Variants in ITPRID1 observed in about 807,000 individuals in gnomAD.
ITPRID1 encodes the protein ITPR interacting domain containing 1.
In ITPRID1, 96 loss-of-function variants were observed where a neutral mutation model predicts 95.4. That is an observed-to-expected ratio of 1.01 (90% CI 0.85 to 1.19). ITPRID1 has a LOEUF of 1.19. Among genes scored for constraint, ITPRID1 ranks in the 50% most tolerant of loss-of-function variants. ITPRID1 has a pLI of 0.00. For missense variants in ITPRID1, 1,339 were observed against 1,252.9 expected (o/e 1.07, Z -1.04); for synonymous variants, 510 against 453.6 (o/e 1.12, Z -1.58).
At chr7:31,595,423 A>G (rs1364212122) in intron 10 of ITPRID1, among the ~76,000 whole-genome samples, 1 of 151,966 alleles carries the variant, frequency 6.6e-6, no homozygotes, top group African/African-American at 2.4e-5. Flanking sequence ...TAACACTTGA[A>G]TTCAATAATA....
intron 10 of ITPRID1, among the ~76,000 whole-genome samples, chr7:31,599,812 C>T (rs1293526977): frequency 6.6e-6 from 1 of 151,848 alleles, no homozygotes; most frequent in Non-Finnish European, 1.5e-5. Context: ...TCTCCTGCCT[C>T]AGCCTCCCGA....
chr7:31,572,229 C>T lies in ITPRID1; in HGVS notation c.395+41C>T. On this transcript the variant is annotated intron_variant, in intron 7 of 14. Transcript: ENST00000615280. Reference sequence around the variant, plus strand: ...GTGCTTTTCATCCTGAGAAATCATTCTGTGCAACAATGGATTTCATGAAAT... The same window carrying T: ...GTGCTTTTCATCCTGAGAAATCATTTTGTGCAACAATGGATTTCATGAAAT... The T allele has an allele frequency of 2.4e-6, 3 of 1,260,260 alleles. 1 individual carries two copies. In the Middle Eastern group the frequency reaches 5.6e-4, roughly 234 times the overall value. 78.1% of individuals were successfully genotyped at this position (1,260,260 alleles called of 1,614,324 possible).
intron 1 of ITPRID1, among the ~76,000 whole-genome samples, chr7:31,519,620 C>CTCTCTCTCTCTCTATATATATA: frequency 9.9e-4 from 25 of 25,256 alleles, no homozygotes; most frequent in South Asian, 4.1e-3. Flanking sequence ...CTCTCTCTCT[C>CTCTCTCTCTCTCTATATATATA]TATATATATA....
chr7:31,528,047 A>G (rs1435968438), intron 1 of ITPRID1, among the ~76,000 whole-genome samples: 1 of 152,172 alleles, frequency 6.6e-6, no homozygotes, highest in African/African-American at 2.4e-5. Flanking sequence ...CCCATGATGC[A>G]CACATCATTA....
At chr7:31,612,326 C>A (rs1786906654) in intron 10 of ITPRID1, among the ~76,000 whole-genome samples, 1 of 152,066 alleles carries the variant, frequency 6.6e-6, no homozygotes, top group Non-Finnish European at 1.5e-5. Context: ...ACAACATTTG[C>A]ATTTCCTCAA....
At position 31,650,459 on chromosome 7, in the gene ITPRID1, G is replaced by A. The variant is rs193266562; in HGVS notation, c.2584-683G>A. Among the ~76,000 whole-genome samples, 5 of 152,276 alleles carry A rather than the reference G, an allele frequency of 3.3e-5. No individual in the cohort carries two copies. The East Asian group carries it at 7.7e-4, about 24-fold the overall frequency. Reference sequence around the variant, plus strand: ...GAAAACCAAGGCAAAGGCACAGCCTGAGAGAGAAAGTAAGAGTTAAACGAT... The same window carrying A: ...GAAAACCAAGGCAAAGGCACAGCCTAAGAGAGAAAGTAAGAGTTAAACGAT... On this transcript the variant is annotated intron_variant, in intron 12 of 14. Coordinates refer to ENST00000615280, the MANE Select transcript of ITPRID1 (RefSeq NM_001257967.3).
chr7:31,589,497 A>T (rs1785770988), intron 10 of ITPRID1, among the ~76,000 whole-genome samples: 1 of 152,194 alleles, frequency 6.6e-6, no homozygotes, highest in African/African-American at 2.4e-5. Context: ...GCAAACTCTA[A>T]GTGGGATAAT....
intron 1 of ITPRID1, among the ~76,000 whole-genome samples, chr7:31,537,396 C>T (rs1445315798): frequency 6.6e-6 from 1 of 152,042 alleles, no homozygotes; most frequent in East Asian, 1.9e-4. Context: ...AATATGAAAA[C>T]AGACATGGGT....
chr7:31,577,396 T>A (rs929721414), intron 8 of ITPRID1, among the ~76,000 whole-genome samples: 1 of 152,180 alleles, frequency 6.6e-6, no homozygotes, highest in African/African-American at 2.4e-5. Flanking sequence ...TGACTCTATA[T>A]GCCATGATCT....
intron 1 of ITPRID1, among the ~76,000 whole-genome samples, chr7:31,546,143 C>T (rs1160211670): frequency 2.0e-5 from 3 of 152,066 alleles, no homozygotes; most frequent in Non-Finnish European, 2.9e-5. Flanking sequence ...AAAGAAATTA[C>T]ATTCCAAAAG....
At chr7:31,651,028 T>G in intron 12 of ITPRID1, 114 bp from the exon 13 acceptor site, 1 of 1,148,966 alleles carries the variant, frequency 8.7e-7, no homozygotes, top group African/African-American at 1.6e-5. Context: ...ATATTAGCAG[T>G]AGGGCCTGTT....
At position 31,572,169 on chromosome 7, in the gene ITPRID1, A is replaced by G. The variant is rs201415095; in HGVS notation, c.376A>G (p.Thr126Ala). The change falls in exon 7 of 15, where the codon ACT (threonine) becomes GCT (alanine). Residue 126 changes from threonine (T) to alanine (A), a missense_variant. By Grantham distance (58) the Thr-to-Ala change is moderately conservative. Coordinates refer to ENST00000615280, the MANE Select transcript of ITPRID1 (RefSeq NM_001257967.3). ...RGTSFNSCYSTASVPQSIPEW... is the reference protein window; with the variant it reads ...RGTSFNSCYSAASVPQSIPEW... Reference sequence around the variant, plus strand: ...GACCAGTTTCAACTCTTGCTATTCTACTGCAAGTGTACCACAAAGGTATGT... The same window carrying G: ...GACCAGTTTCAACTCTTGCTATTCTGCTGCAAGTGTACCACAAAGGTATGT... 5 of 1,608,842 alleles carry G rather than the reference A, an allele frequency of 3.1e-6. No individual in the cohort carries two copies. The highest frequency in any genetic ancestry group is 2.7e-5 in the African/African-American group (2 of 74,914).
intron 1 of ITPRID1, among the ~76,000 whole-genome samples, chr7:31,515,924 A>G (rs925603458): frequency 6.6e-6 from 1 of 152,242 alleles, no homozygotes; most frequent in Non-Finnish European, 1.5e-5. Flanking sequence ...TCTGTTTCAT[A>G]TAAGATGATA....
In ITPRID1 at chr7:31,552,571, A is replaced by G. The variant is rs191680929; in HGVS notation, c.-23-431A>G. Among the ~76,000 whole-genome samples, 352 of 152,322 alleles carry G rather than the reference A, an allele frequency of 2.3e-3. 1 individual carries two copies. Among genetic ancestry groups the G allele is most frequent in the African/African-American group, 7.9e-3 (330 of 41,574 alleles). ...GGGCACACAACAAGTTGCAGAAATG[A>G]GACTGAGCCAAGCCAATCTGTTGCC... On this transcript the variant is annotated intron_variant, in intron 2 of 14. Transcript: ENST00000615280.
intron 9 of ITPRID1, among the ~76,000 whole-genome samples, chr7:31,580,615 C>T (rs1785365574): frequency 6.6e-6 from 1 of 151,978 alleles, no homozygotes; most frequent in Non-Finnish European, 1.5e-5. Context: ...GAAAATACTA[C>T]CTATTAGTAT....
chr7:31,577,382 C>T (rs1340232205), intron 8 of ITPRID1, among the ~76,000 whole-genome samples: 2 of 152,158 alleles, frequency 1.3e-5, no homozygotes, highest in Non-Finnish European at 2.9e-5. Flanking sequence ...GGATCCAGGA[C>T]TTCTGACTCT....
intron 10 of ITPRID1, among the ~76,000 whole-genome samples, chr7:31,603,342 A>T (rs1786478569): frequency 6.6e-6 from 1 of 151,810 alleles, no homozygotes; most frequent in South Asian, 2.1e-4. Flanking sequence ...GAGTTAACAC[A>T]TTGGCTCCTG....
intron 10 of ITPRID1, among the ~76,000 whole-genome samples, chr7:31,639,519 C>A (rs1156551768): frequency 1.5e-5 from 2 of 137,108 alleles, no homozygotes; most frequent in African/African-American, 5.5e-5. Context: ...TATAGTTTTT[C>A]TTTTGTTTGT....
rs1207356270 is a variant in ITPRID1 at position 31,652,974 on chromosome 7, AGAG to A, written c.*149_*151del. On this transcript the variant is annotated 3_prime_UTR_variant, in exon 15 of 15. Transcript: ENST00000615280. ...ATATTCTACCCTTTGGTTAAACCCA[AGAG>A]GAGTTTAGAATACTCTAATACTCAT... 2 of 1,447,668 alleles carry A rather than the reference AGAG, an allele frequency of 1.4e-6. No homozygotes were observed. Among genetic ancestry groups the A allele is most frequent in the African/African-American group, 2.9e-5 (2 of 69,994 alleles). 89.7% of individuals were successfully genotyped at this position (1,447,668 alleles called of 1,614,324 possible). A position where few individuals can be genotyped will look rare whatever the true frequency, so the allele number is the denominator to read the frequency against.
Sources: gnomAD v4.1 joint callset for allele counts (sites outside exome capture counted in the v4.1 genomes callset) on GRCh38, gnomAD v4.1.1 for gene constraint, MANE v1.5 for transcripts, NCBI Gene and HGNC (gene_info 2026-07-23, HGNC 2026-07-21) for gene names.